The following WASF3 variants were observed in gnomAD, a reference collection of about 807,000 sequenced individuals.
WASF3 encodes WASP family member 3, also known as actin-binding protein WASF3.
WASF3 carries 11 observed loss-of-function variants against 46.6 expected under a neutral mutation model. The ratio of observed to expected loss-of-function variants is 0.24; its 90% confidence interval spans 0.15 to 0.39. The LOEUF (loss-of-function observed/expected upper bound fraction) is 0.39, where lower values mean the gene tolerates loss of function less well. WASF3 is among the 10% of genes least tolerant of loss of function. The probability of loss-of-function intolerance (pLI) is 1.00; values close to 1 mark genes in which losing one functional copy is unlikely to be tolerated. For missense variants in WASF3, 576 were observed against 669.8 expected (o/e 0.86, Z 1.55); for synonymous variants, 242 against 259.7 (o/e 0.93, Z 0.65).
intron 2 of WASF3, among the ~76,000 whole-genome samples, chr13:26,636,398 T>C (rs1317545702): frequency 6.6e-6 from 1 of 152,170 alleles, no homozygotes; most frequent in African/African-American, 2.4e-5. Flanking sequence ...AGTGCCCTGT[T>C]TTTCCAGGTA....
rs56118700 is a variant in WASF3, at chr13:26,613,491, C to T, written c.-11+433C>T. Among the ~76,000 whole-genome samples the T allele has an allele frequency of 6.6e-3, 1,004 of 152,166 alleles. 11 individuals are homozygous for T. Among genetic ancestry groups the T allele is most frequent in the African/African-American group, 0.023 (949 of 41,506 alleles). On this transcript the variant is annotated intron_variant, in intron 2 of 9. Coordinates refer to ENST00000335327, the MANE Select transcript of WASF3 (RefSeq NM_006646.6). ...AAAAACTTAAACCTAATCAGTTGGC[C>T]GGACACGGTGGCTCATGCCTGTAAT...
At chr13:26,603,324 G>C (rs887671685) in intron 1 of WASF3, among the ~76,000 whole-genome samples, 1 of 152,174 alleles carries the variant, frequency 6.6e-6, no homozygotes, top group Non-Finnish European at 1.5e-5. Flanking sequence ...AGTTAAAGGT[G>C]TTCCAGCACC....
intron 5 of WASF3, 109 bp downstream of exon 5, chr13:26,667,779 G>A: frequency 9.2e-7 from 1 of 1,088,542 alleles, no homozygotes; most frequent in Non-Finnish European, 1.3e-6. Flanking sequence ...GTTCATCTGG[G>A]TTAAAATCAG....
At chr13:26,645,620 A>C (rs920394105) in intron 3 of WASF3, among the ~76,000 whole-genome samples, 3 of 152,118 alleles carry the variant, frequency 2.0e-5, no homozygotes, top group Non-Finnish European at 4.4e-5. Context: ...ATGGGAGTAG[A>C]CATTCTCTGT....
chr13:26,665,287 A>G, intron 4 of WASF3, 125 bp downstream of exon 4: 1 of 1,203,308 alleles, frequency 8.3e-7, no homozygotes. Flanking sequence ...TCTTTCCTAG[A>G]AGAATAGCGA....
At chr13:26,553,544 A>T (rs1365913634), upstream of WASF3, among the ~76,000 whole-genome samples, 4 of 152,032 alleles carry the variant, frequency 2.6e-5, no homozygotes, top group East Asian at 5.8e-4. Context: ...GAGGCCGGGC[A>T]CGGTGGCTCA....
intron 1 of WASF3, among the ~76,000 whole-genome samples, chr13:26,612,435 C>G (rs931085089): frequency 5.3e-5 from 8 of 152,212 alleles, no homozygotes; most frequent in African/African-American, 1.9e-4. Flanking sequence ...GAAACACCTT[C>G]TAGGGCGTAT....
intron 2 of WASF3, among the ~76,000 whole-genome samples, chr13:26,623,069 C>A (rs1189311676): frequency 2.0e-5 from 3 of 152,112 alleles, no homozygotes; most frequent in Non-Finnish European, 4.4e-5. Flanking sequence ...GAACAGGTAA[C>A]CATCATAGAA....
intron 1 of WASF3, among the ~76,000 whole-genome samples, chr13:26,586,229 A>G (rs1320336788): frequency 6.6e-6 from 1 of 152,100 alleles, no homozygotes; most frequent in African/African-American, 2.4e-5. Context: ...CAAGATTGTT[A>G]AAAATATTTT....
At chr13:26,663,051 A>G (rs1169644841) in intron 3 of WASF3, among the ~76,000 whole-genome samples, 1 of 152,190 alleles carries the variant, frequency 6.6e-6, no homozygotes, top group Non-Finnish European at 1.5e-5. Context: ...GATGTAATTC[A>G]GGAGAGAAAC....
At chr13:26,678,839 T>C (rs1056486945) in intron 7 of WASF3, among the ~76,000 whole-genome samples, 1 of 151,400 alleles carries the variant, frequency 6.6e-6, no homozygotes, top group Admixed American at 6.6e-5. Context: ...TGCAGATCTC[T>C]GGCTGCCCGC....
At position 26,624,513 on chromosome 13, in the gene WASF3, GAGA is replaced by G. The variant is rs1023106177; in HGVS notation, c.-11+11459_-11+11461del. 3.9e-5 allele frequency among the ~76,000 whole-genome samples: 6 copies of G among 152,216 alleles called. No homozygotes were observed. The East Asian group carries it at 1.2e-3, about 29-fold the overall frequency. ...TGTAATTGGAAACCCAGAAGGAAAA[GAGA>G]AGATACTGTCCAGAAAAAAATACTA... On this transcript the variant is annotated intron_variant, in intron 2 of 9. Transcript: ENST00000335327.
chr13:26,654,038 A>G (rs1423879248), intron 3 of WASF3, among the ~76,000 whole-genome samples: 2 of 152,148 alleles, frequency 1.3e-5, no homozygotes, highest in African/African-American at 4.8e-5. Context: ...GTCATCTTCA[A>G]AATGTGTAGC....
Position 26,642,104 on chromosome 13 carries a change from G to C in WASF3, c.-10-157G>C, listed in dbSNP as rs1002154486. 3 of 659,670 alleles carry C rather than the reference G, an allele frequency of 4.5e-6. No individual in the cohort carries two copies. The African/African-American group carries it at 6.0e-5, about 13-fold the overall frequency. The allele number at this position is 659,670 out of a possible 1,614,324, so 40.9% of individuals were successfully genotyped here. A position where few individuals can be genotyped will look rare whatever the true frequency, so the allele number is the denominator to read the frequency against. On this transcript the variant is annotated intron_variant, in intron 2 of 9. Coordinates refer to ENST00000335327, the MANE Select transcript of WASF3 (RefSeq NM_006646.6). ...TTCAGGCTCTATAAAACTCACTAAA[G>C]TAATTCACTGTTTGTTGCATTTTAG... is the stretch of plus-strand genomic sequence containing the variant.
At chr13:26,582,643 C>G (rs1209114089) in intron 1 of WASF3, among the ~76,000 whole-genome samples, 2 of 125,636 alleles carry the variant, frequency 1.6e-5, no homozygotes, top group Non-Finnish European at 3.1e-5. Context: ...TACCACTACA[C>G]TCTAGCCTGG....
chr13:26,633,200 C>CTTTTTTTT (rs58237286), intron 2 of WASF3, among the ~76,000 whole-genome samples: 19,558 of 89,580 alleles, frequency 0.22, 3,757 homozygotes, highest in Non-Finnish European at 0.29. Context: ...TTAGTTATTT[C>CTTTTTTTT]TTTTTTTTTT....
intron 1 of WASF3, among the ~76,000 whole-genome samples, chr13:26,600,648 G>A (rs1184591158): frequency 6.6e-6 from 1 of 152,204 alleles, no homozygotes; most frequent in East Asian, 1.9e-4. Flanking sequence ...TGGGAGCTGG[G>A]GTGTCTCCGT....
At chr13:26,676,162 G>A (rs1263032200) in intron 6 of WASF3, among the ~76,000 whole-genome samples, 1 of 152,208 alleles carries the variant, frequency 6.6e-6, no homozygotes, top group Non-Finnish European at 1.5e-5. Flanking sequence ...TAAGAAGTCA[G>A]TCAAAATTGT....
rs543908262 is a variant in WASF3, at chr13:26,663,416, TA to T, written c.134-1611del. Among the ~76,000 whole-genome samples the T allele has an allele frequency of 7.9e-4, 120 of 152,358 alleles. 1 individual carries two copies. The highest frequency in any genetic ancestry group is 2.8e-3 in the African/African-American group (116 of 41,568). On this transcript the variant is annotated intron_variant, in intron 3 of 9. Transcript: ENST00000335327. The stretch of plus-strand genomic sequence containing the variant: ...ATGTATATAGTTTGTGTGAAGGCTT[TA>T]TTTTTTTGCCTTTGTGGAACCATTT...
Sources: allele counts gnomAD v4.1 joint callset (sites outside exome capture counted in the v4.1 genomes callset), GRCh38; gene constraint gnomAD v4.1.1; transcripts MANE v1.5; gene names NCBI Gene and HGNC (gene_info 2026-07-23, HGNC 2026-07-21).